The following GUCY2C variants were observed in gnomAD, a reference collection of about 807,000 sequenced individuals.
The protein encoded by GUCY2C is guanylyl cyclase C.
Under a neutral mutation model 131.1 loss-of-function variants are expected in GUCY2C, and 118 were observed. That is an observed-to-expected ratio of 0.90 (90% CI 0.78 to 1.05). GUCY2C has a LOEUF of 1.05. Ranked by LOEUF, GUCY2C falls within the 50% of genes least tolerant of loss-of-function variation. GUCY2C has a pLI of 0.00. For synonymous variants in GUCY2C, 452 were observed against 457.8 expected (o/e 0.99, Z 0.16); for missense variants, 1,161 against 1,304.4 (o/e 0.89, Z 1.69).
chr12:14,630,344 A>C (rs528049484), intron 19 of GUCY2C, among the ~76,000 whole-genome samples: 4 of 152,220 alleles, frequency 2.6e-5, no homozygotes, highest in Non-Finnish European at 5.9e-5. Flanking sequence ...GAATAGGCAG[A>C]AACAGCAAAC....
At chr12:14,671,556 A>G (rs745398250) in intron 9 of GUCY2C, among the ~76,000 whole-genome samples, 1 of 152,176 alleles carries the variant, frequency 6.6e-6, no homozygotes, top group East Asian at 1.9e-4. Flanking sequence ...TTAACCTTAC[A>G]TTTTGAGAAG....
At chr12:14,657,993 T>A (rs1290536721) in intron 11 of GUCY2C, among the ~76,000 whole-genome samples, 1 of 152,234 alleles carries the variant, frequency 6.6e-6, no homozygotes, top group African/African-American at 2.4e-5. Context: ...TTTTTTAACC[T>A]TTATGATGAA....
In GUCY2C at chr12:14,676,832, AT is replaced by A. The variant is rs769737864; in HGVS notation, c.948+21del. On this transcript the variant is annotated intron_variant, in intron 7 of 26. Coordinates refer to ENST00000261170, the MANE Select transcript of GUCY2C (RefSeq NM_004963.4). ...AAAATAATAATATATAATTTATACT[AT>A]AACATAAAATAATAGCTTACTGGTG... The A allele has an allele frequency of 8.8e-6, 7 of 792,644 alleles. No individual in the cohort carries two copies. The South Asian group carries it at 1.8e-4, about 20-fold the overall frequency. The allele number at this position is 792,644 out of a possible 1,614,324, so 49.1% of individuals were successfully genotyped here. A position where few individuals can be genotyped will look rare whatever the true frequency, so the allele number is the denominator to read the frequency against.
rs752780737 is a variant in GUCY2C at position 14,619,316 on chromosome 12, TGAA to T, written c.2777-10_2777-8del. On this transcript the variant is annotated splice_region_variant and splice_polypyrimidine_tract_variant and intron_variant, in intron 23 of 26. Transcript: ENST00000261170. ...ACTCCAGCAGCACAGGGACCTGAAA[TGAA>T]GGACAGAAAGCAGGAAGTGGAGGCA... The T allele has an allele frequency of 3.1e-5, 49 of 1,583,494 alleles. 1 individual carries two copies. In the Admixed American group the frequency reaches 7.7e-4, roughly 25 times the overall value.
chr12:14,615,003 A>G (rs1946728400), intron 25 of GUCY2C, 60 bp from the exon 26 acceptor site: 1 of 809,114 alleles, frequency 1.2e-6, no homozygotes, highest in South Asian at 1.7e-5. Flanking sequence ...GTTGTAGACC[A>G]CTGTTTCCAT....
At chr12:14,675,818 C>T (rs1948221671) in intron 7 of GUCY2C, among the ~76,000 whole-genome samples, 1 of 152,140 alleles carries the variant, frequency 6.6e-6, no homozygotes, top group African/African-American at 2.4e-5. Flanking sequence ...TGAAGATGGT[C>T]AAGTAATATC....
At chr12:14,616,583 C>T in intron 25 of GUCY2C, 50 bp downstream of exon 25, 3 of 1,028,778 alleles carry the variant, frequency 2.9e-6, no homozygotes, top group East Asian at 2.4e-5. Flanking sequence ...GGAGGTGGCC[C>T]AAGCGTGTCT....
chr12:14,629,499 T>G (rs938365165), intron 19 of GUCY2C, among the ~76,000 whole-genome samples: 1 of 152,168 alleles, frequency 6.6e-6, no homozygotes, highest in African/African-American at 2.4e-5. Flanking sequence ...CATACTTACA[T>G]GTAGACATAT....
At chr12:14,660,907 G>T in intron 11 of GUCY2C, 74 bp downstream of exon 11, 1 of 918,012 alleles carries the variant, frequency 1.1e-6, no homozygotes. Flanking sequence ...ATCATCAACA[G>T]ACAACAGACC....
Position 14,656,523 on chromosome 12 carries a change from C to A in GUCY2C, c.1459G>T (p.Val487Phe), listed in dbSNP as rs1322777872. Residue 487 changes from valine to phenylalanine, a missense_variant, in exon 12 of 27, where the codon GTT (valine) becomes TTT (phenylalanine). By Grantham distance (50) the Val-to-Phe change is conservative. Coordinates refer to ENST00000261170, the MANE Select transcript of GUCY2C (RefSeq NM_004963.4). The stretch of plus-strand genomic sequence containing the variant: ...AAGGTAGGCTTTACCTTGAGGCTAA[C>A]ATGATTGGTCTCATTGGTCTCCAGA... ...FPLETNETNH[V>F]SLKIDDDKRR... 6.4e-7 allele frequency: 1 copy of A among 1,564,710 alleles called. No individual in the cohort carries two copies. The highest frequency in any genetic ancestry group is 1.7e-5 in the Admixed American group (1 of 59,926).
At chr12:14,627,985 C>A (rs1947059078) in intron 20 of GUCY2C, among the ~76,000 whole-genome samples, 1 of 152,120 alleles carries the variant, frequency 6.6e-6, no homozygotes, top group Admixed American at 6.5e-5. Context: ...CTTGTTCAAT[C>A]CAATTTTTCT....
chr12:14,652,480 T>G (rs759795175), intron 13 of GUCY2C, among the ~76,000 whole-genome samples: 3 of 152,124 alleles, frequency 2.0e-5, no homozygotes, highest in Non-Finnish European at 4.4e-5. Context: ...CAGCCTTGAC[T>G]GATGTTTATA....
chr12:14,657,604 G>A (rs1947787188), intron 11 of GUCY2C, among the ~76,000 whole-genome samples: 1 of 152,078 alleles, frequency 6.6e-6, no homozygotes, highest in African/African-American at 2.4e-5. Flanking sequence ...TCCACCTCCT[G>A]TCACATCAGT....
chr12:14,639,817 A>G (rs1452938559), intron 19 of GUCY2C, 45 bp downstream of exon 19: 1 of 1,188,060 alleles, frequency 8.4e-7, no homozygotes, highest in Non-Finnish European at 1.3e-6. Context: ...ATTTATGGTA[A>G]TTTTATAGCA....
chr12:14,674,662 G>T lies in GUCY2C; in HGVS notation c.1047C>A (p.Pro349=), dbSNP rs1948189703. The T allele has an allele frequency of 1.9e-6, 3 of 1,613,232 alleles. No individual in the cohort carries two copies. Among genetic ancestry groups the T allele is most frequent in the Non-Finnish European group, 1.7e-6 (2 of 1,179,466 alleles). ...FLENGENITT[P]KFAHAFRNLT... Reference sequence around the variant, plus strand: ...GATTCCTGAAAGCATGAGCAAATTTGGGGGTGGTAATATTTTCTCCATTTT... The same window carrying T: ...GATTCCTGAAAGCATGAGCAAATTTTGGGGTGGTAATATTTTCTCCATTTT... Residue 349 remains proline (P), a synonymous_variant, in exon 8 of 27, where the codon CCC becomes CCA. Transcript: ENST00000261170.
At chr12:14,650,848 T>C (rs1367830652) in intron 15 of GUCY2C, among the ~76,000 whole-genome samples, 4 of 152,164 alleles carry the variant, frequency 2.6e-5, no homozygotes, top group Non-Finnish European at 5.9e-5. Flanking sequence ...TAGTAACATA[T>C]AGGGCTATGT....
chr12:14,678,439 A>C (rs1056236536), intron 6 of GUCY2C, among the ~76,000 whole-genome samples: 1 of 152,160 alleles, frequency 6.6e-6, no homozygotes, highest in African/African-American at 2.4e-5. Flanking sequence ...AATTATACCA[A>C]CCTGGCTACA....
intron 19 of GUCY2C, among the ~76,000 whole-genome samples, chr12:14,639,485 G>T (rs1219713529): frequency 6.6e-6 from 1 of 152,104 alleles, no homozygotes; most frequent in African/African-American, 2.4e-5. Flanking sequence ...AGCCTTTGCA[G>T]ATATAATTAA....
At chr12:14,661,361 A>T (rs1947863418) in intron 10 of GUCY2C, among the ~76,000 whole-genome samples, 1 of 152,162 alleles carries the variant, frequency 6.6e-6, no homozygotes, top group African/African-American at 2.4e-5. Context: ...GAGCACGTAC[A>T]AAAAAGTTGG....
Sources: allele counts gnomAD v4.1 joint callset (sites outside exome capture counted in the v4.1 genomes callset), GRCh38; gene constraint gnomAD v4.1.1; transcripts MANE v1.5; gene names NCBI Gene and HGNC (gene_info 2026-07-23, HGNC 2026-07-21).